PPP2R2B: variants seen among roughly 807,000 people sequenced by gnomAD.
PPP2R2B encodes protein phosphatase 2 regulatory subunit Bbeta.
Under a neutral mutation model 46.0 loss-of-function variants are expected in PPP2R2B, and 5 were observed. The ratio of observed to expected loss-of-function variants is 0.11; its 90% CI spans 0.06 to 0.23. The LOEUF (loss-of-function observed/expected upper bound fraction) is 0.23, where lower values mean the gene tolerates loss of function less well. Ranked by LOEUF, PPP2R2B falls within the 10% of genes least tolerant of loss-of-function variation. PPP2R2B has a pLI of 1.00. For synonymous variants in PPP2R2B, 215 were observed against 206.7 expected (o/e 1.04, Z -0.34); for missense variants, 367 against 575.0 (o/e 0.64, Z 3.70).
At chr5:146,928,685 G>C (rs578198042) in intron 1 of PPP2R2B, among the ~76,000 whole-genome samples, 2 of 152,196 alleles carry the variant, frequency 1.3e-5, no homozygotes, top group East Asian at 3.9e-4. Context: ...ATGGCACCCA[G>C]AGTGATCCTT....
intron 2 of PPP2R2B, among the ~76,000 whole-genome samples, chr5:146,801,795 T>G (rs1756882725): frequency 6.6e-6 from 1 of 152,208 alleles, no homozygotes; most frequent in African/African-American, 2.4e-5. Context: ...ACTTAATAAA[T>G]GCTGGCTATT....
chr5:146,986,687 A>T (rs1753444538), intron 1 of PPP2R2B, among the ~76,000 whole-genome samples: 1 of 152,210 alleles, frequency 6.6e-6, no homozygotes, highest in South Asian at 2.1e-4. Flanking sequence ...GAGCTTGAAG[A>T]CAGGCTATTT....
In PPP2R2B at chr5:146,584,081, T is replaced by C. The variant is rs76443776; in HGVS notation, c.*5866A>G. On this transcript the variant is annotated 3_prime_UTR_variant, in exon 10 of 10. Transcript: ENST00000394411. ...CACTGTTCACCCAGGAAAACCCAGG[T>C]TGACTTTTTGGGGAATGAGCAGCAG... The C allele has an allele frequency of 0.022, 3,317 of 152,428 alleles. 44 individuals are homozygous for C. Among genetic ancestry groups the C allele is most frequent in the South Asian group, 0.034 (164 of 4,814 alleles). 9.4% of individuals were successfully genotyped at this position (152,428 alleles called of 1,614,324 possible). A position where few individuals can be genotyped will look rare whatever the true frequency, so the allele number is the denominator to read the frequency against.
At chr5:146,650,343 C>T (rs6580434) in intron 6 of PPP2R2B, among the ~76,000 whole-genome samples, 113,750 of 152,144 alleles carry the variant, frequency 0.75, 43,396 homozygotes, top group East Asian at 0.82. Flanking sequence ...AGAGCTAGCC[C>T]TGGCCTCCCA....
chr5:147,000,662 G>A (rs1383542849), intron 1 of PPP2R2B, among the ~76,000 whole-genome samples: 1 of 78,352 alleles, frequency 1.3e-5, no homozygotes, highest in Admixed American at 1.0e-4. Flanking sequence ...TTGTGGATTT[G>A]CCATTTTTAA....
At chr5:146,664,216 G>C (rs1247003921) in intron 5 of PPP2R2B, among the ~76,000 whole-genome samples, 1 of 152,178 alleles carries the variant, frequency 6.6e-6, no homozygotes, top group African/African-American at 2.4e-5. Flanking sequence ...AGATTTCTCT[G>C]TAGCATATTA....
chr5:147,057,220 G>T (rs1757116649), upstream of PPP2R2B, among the ~76,000 whole-genome samples: 1 of 152,156 alleles, frequency 6.6e-6, no homozygotes, highest in Admixed American at 6.5e-5. Flanking sequence ...ACTATGGCAT[G>T]GTGACAAACT....
intron 2 of PPP2R2B, among the ~76,000 whole-genome samples, chr5:146,751,054 A>G (rs1753525196): frequency 1.3e-5 from 2 of 152,184 alleles, no homozygotes; most frequent in South Asian, 2.1e-4. Flanking sequence ...TCCCCAAAGA[A>G]GTGGATTTAC....
intron 5 of PPP2R2B, among the ~76,000 whole-genome samples, chr5:146,657,438 A>C (rs968514504): frequency 9.9e-5 from 15 of 152,230 alleles, no homozygotes; most frequent in South Asian, 6.2e-4. Flanking sequence ...TTAGCTGTTT[A>C]GTAACTCTAG....
chr5:146,734,741 G>T (rs1468659300), intron 2 of PPP2R2B, among the ~76,000 whole-genome samples: 1 of 152,156 alleles, frequency 6.6e-6, no homozygotes, highest in Non-Finnish European at 1.5e-5. Context: ...CTACCTCAAA[G>T]TGCTGGTGTG....
chr5:146,724,280 C>T (rs967476434), intron 2 of PPP2R2B, among the ~76,000 whole-genome samples: 3 of 151,468 alleles, frequency 2.0e-5, no homozygotes, highest in Non-Finnish European at 4.4e-5. Flanking sequence ...CCCAAAAACT[C>T]AGTTTCCTCA....
intron 2 of PPP2R2B, among the ~76,000 whole-genome samples, chr5:146,819,985 C>A (rs553923539): frequency 1.3e-5 from 2 of 152,216 alleles, no homozygotes; most frequent in South Asian, 4.2e-4. Flanking sequence ...CAAATAGGCA[C>A]ACAATCTCAC....
At chr5:146,722,929 C>T (rs1274368303) in intron 2 of PPP2R2B, among the ~76,000 whole-genome samples, 1 of 152,134 alleles carries the variant, frequency 6.6e-6, no homozygotes, top group Non-Finnish European at 1.5e-5. Context: ...TGAACAGGTC[C>T]TTGCTCCTCT....
In PPP2R2B at chr5:147,047,572, T is replaced by C. The variant is rs549717507; in HGVS notation, c.79+8093A>G. Among the ~76,000 whole-genome samples the C allele has an allele frequency of 2.6e-5, 4 of 152,256 alleles. No individual in the cohort carries two copies. In the South Asian group the frequency reaches 8.3e-4, roughly 32 times the overall value. ...TTAATTTGCACTGGGTAATACACTA[T>C]ATACTTGGTATGAATGATCACATTT... is the stretch of plus-strand genomic sequence containing the variant. On this transcript the variant is annotated intron_variant, in intron 1 of 8. Transcript: ENST00000336640.
intron 1 of PPP2R2B, among the ~76,000 whole-genome samples, chr5:147,027,598 A>G (rs1385269055): frequency 1.4e-5 from 2 of 142,458 alleles, no homozygotes; most frequent in African/African-American, 5.3e-5. Context: ...GCGCCACTGC[A>G]CCCCTCCAGC....
At chr5:146,706,891 C>T in intron 2 of PPP2R2B, 18 of 1,269,100 alleles carry the variant, frequency 1.4e-5, no homozygotes, top group Middle Eastern at 4.6e-4. Context: ...GCACCACAGA[C>T]GTGTCCGAGA....
At chr5:146,738,108 A>AGCTT (rs1376278294) in intron 2 of PPP2R2B, among the ~76,000 whole-genome samples, 19 of 151,932 alleles carry the variant, frequency 1.3e-4, no homozygotes, top group Non-Finnish European at 2.5e-4. Context: ...AAAAAATCTT[A>AGCTT]GCTTCGGGCT....
chr5:146,742,969 G>C (rs1752967192), intron 2 of PPP2R2B, among the ~76,000 whole-genome samples: 2 of 152,184 alleles, frequency 1.3e-5, no homozygotes, highest in South Asian at 4.1e-4. Flanking sequence ...GCCTGGAACT[G>C]TTTCTCTGTC....
At chr5:146,876,549 C>T (rs1398453272) in intron 2 of PPP2R2B, among the ~76,000 whole-genome samples, 8 of 152,270 alleles carry the variant, frequency 5.3e-5, no homozygotes, top group African/African-American at 1.7e-4. Context: ...GAGTCAGTGA[C>T]AAAGCACTAA....
Sources: gnomAD v4.1 joint callset for allele counts (sites outside exome capture counted in the v4.1 genomes callset) on GRCh38, gnomAD v4.1.1 for gene constraint, MANE v1.5 for transcripts, NCBI Gene and HGNC (gene_info 2026-07-23, HGNC 2026-07-21) for gene names.